The following QSER1 variants were observed in gnomAD, a reference collection of about 807,000 sequenced individuals.
QSER1 encodes the protein glutamine and serine rich 1, also known as glutamine and serine-rich protein 1.
Under a neutral mutation model 158.5 loss-of-function variants are expected in QSER1, and 49 were observed. The observed-to-expected ratio is 0.31, with a 90% CI of 0.25 to 0.39. The LOEUF (loss-of-function observed/expected upper bound fraction) is 0.39, where lower values mean the gene tolerates loss of function less well. QSER1 is among the 10% of genes least tolerant of loss of function. The pLI is 1.00. For synonymous variants in QSER1, 650 were observed against 715.5 expected (o/e 0.91, Z 1.46); for missense variants, 1,754 against 2,010.3 (o/e 0.87, Z 2.44).
In QSER1 at chr11:32,935,428, G is replaced by T. The variant is rs779688331; in HGVS notation, c.4170G>T (p.Lys1390Asn). The change falls in exon 4 of 13, where the codon AAG becomes AAT. Residue 1390 changes from lysine (K) to asparagine (N), a missense_variant. Lys to Asn is a moderately conservative substitution (Grantham distance 94, BLOSUM62 0). Transcript: ENST00000650167. Reference protein sequence around the residue: ...TTLDATSDKKKKTEALQVATT... With the variant: ...TTLDATSDKKNKTEALQVATT... The stretch of plus-strand genomic sequence containing the variant: ...TGGATGCTACTTCTGATAAAAAGAA[G>T]AAAACAGGTAAAGTTTTACAATTTA... The T allele has an allele frequency of 1.3e-6, 2 of 1,499,954 alleles. No individual in the cohort carries two copies. Among genetic ancestry groups the T allele is most frequent in the Non-Finnish European group, 1.8e-6 (2 of 1,131,466 alleles). 92.9% of individuals were successfully genotyped at this position (1,499,954 alleles called of 1,614,324 possible). A position where few individuals can be genotyped will look rare whatever the true frequency, so the allele number is the denominator to read the frequency against.
intron 8 of QSER1, among the ~76,000 whole-genome samples, chr11:32,962,684 C>T (rs138293265): frequency 3.7e-4 from 56 of 152,272 alleles, no homozygotes; most frequent in African/African-American, 1.3e-3. Context: ...AAAAATAGCA[C>T]TCATCAATTC....
Position 32,957,859 on chromosome 11 carries a change from A to G in QSER1, c.4752-10A>G. On this transcript the variant is annotated splice_polypyrimidine_tract_variant and intron_variant, in intron 7 of 12. Coordinates refer to ENST00000650167, the MANE Select transcript of QSER1 (RefSeq NM_001076786.3). ...CAGTGTGTTAATGAAGTTTGTTTAT[A>G]ACATTGCAGAACTGTTCAAGCTAAG... The G allele has an allele frequency of 6.2e-7, 1 of 1,603,160 alleles. No homozygotes were observed. Among genetic ancestry groups the G allele is most frequent in the South Asian group, 1.1e-5 (1 of 89,182 alleles).
At chr11:32,946,184 G>A (rs893892758) in intron 4 of QSER1, among the ~76,000 whole-genome samples, 9 of 151,516 alleles carry the variant, frequency 5.9e-5, no homozygotes, top group African/African-American at 1.4e-4. Flanking sequence ...TGGTTTGAAT[G>A]TCCTCCCGTA....
At chr11:32,898,484 A>ACT (rs1564923717) in intron 1 of QSER1, among the ~76,000 whole-genome samples, 1 of 4,584 alleles carries the variant, frequency 2.2e-4, no homozygotes, top group Non-Finnish European at 3.7e-4. Flanking sequence ...AGAACCTGTC[A>ACT]CACACACACA....
chr11:32,956,624 C>T (rs1556802), intron 7 of QSER1, among the ~76,000 whole-genome samples: 26,119 of 152,060 alleles, frequency 0.17, 3,118 homozygotes, highest in East Asian at 0.65. Flanking sequence ...TGACTTGACC[C>T]TGTGGTCTGC....
intron 4 of QSER1, among the ~76,000 whole-genome samples, chr11:32,938,634 C>T (rs2133558068): frequency 6.6e-6 from 1 of 152,282 alleles, no homozygotes; most frequent in South Asian, 2.1e-4. Context: ...TTGTGGACTG[C>T]TGTAGCCATT....
chr11:32,959,658 T>C (rs949074089), intron 8 of QSER1, among the ~76,000 whole-genome samples: 3 of 152,142 alleles, frequency 2.0e-5, no homozygotes, highest in African/African-American at 7.2e-5. Context: ...TTTCTGACAT[T>C]ACAAGTATCA....
At position 32,934,079 on chromosome 11, in the gene QSER1, A is replaced by G; in HGVS notation, c.2821A>G (p.Lys941Glu). 6.2e-7 allele frequency: 1 copy of G among 1,613,928 alleles called. No homozygotes were observed. Among genetic ancestry groups the G allele is most frequent in the Non-Finnish European group, 8.5e-7 (1 of 1,179,940 alleles). ...SKPLQQHLTT[K>E]GHFSETNQHD... ...ACCATTACAACAACATCTAACAACA[A>G]AGGGCCATTTTAGTGAAACAAATCA... Residue 941 changes from lysine (K) to glutamate (E), a missense_variant, in exon 4 of 13, where the codon AAG (lysine) becomes GAG (glutamate). By Grantham distance (56) the Lys-to-Glu change is moderately conservative (BLOSUM62 1). Coordinates refer to ENST00000650167, the MANE Select transcript of QSER1 (RefSeq NM_001076786.3).
chr11:32,971,450 T>C (rs1355309605), intron 10 of QSER1, among the ~76,000 whole-genome samples: 1 of 152,192 alleles, frequency 6.6e-6, no homozygotes, highest in Non-Finnish European at 1.5e-5. Flanking sequence ...TTTGTGGTCA[T>C]TGGAAAGATT....
rs775045658 is a variant in QSER1, at chr11:32,957,976, A to C, written c.4859A>C (p.Lys1620Thr). The C allele has an allele frequency of 9.3e-6, 15 of 1,614,148 alleles. No individual in the cohort carries two copies. In the South Asian group the frequency reaches 1.6e-4, roughly 18 times the overall value. ...PSVKPKVKQP[K>T]VKAEPPPKKR... ...GTGAAACCCAAAGTTAAACAGCCAAAAGTAAAGGCTGAGCCACCACCAAAG... is the reference window on the plus strand; with the variant it reads ...GTGAAACCCAAAGTTAAACAGCCAACAGTAAAGGCTGAGCCACCACCAAAG... The change falls in exon 8 of 13, where the codon AAA (lysine) becomes ACA (threonine). Residue 1620 changes from lysine to threonine, a missense_variant. Physicochemically the swap from Lys to Thr is moderately conservative, Grantham distance 78 (BLOSUM62 -1). This residue lies in a region of QSER1 where 1,707 missense variants were observed against 1,919.6 expected (regional missense o/e 0.89). Transcript: ENST00000650167.
rs184051871 is a variant in QSER1, at chr11:32,892,863, T to C, written c.-263T>C. Among the ~76,000 whole-genome samples, 77 of 29,262 alleles carry C rather than the reference T, an allele frequency of 2.6e-3. No individual in the cohort carries two copies. The highest frequency in any genetic ancestry group is 0.023 in the Middle Eastern group (1 of 44). The allele number at this position is 29,262 out of a possible 152,430, so 19.2% of individuals were successfully genotyped here. ...GCAGCGGCCGCCGCCGCCGCCGCCG[T>C]CGCCGCGAGTCCCGGCCGCGGGTGC... On this transcript the variant is annotated 5_prime_UTR_variant, in exon 1 of 13. Transcript: ENST00000650167.
intron 1 of QSER1, among the ~76,000 whole-genome samples, chr11:32,901,314 A>G (rs1462417696): frequency 6.6e-6 from 1 of 152,240 alleles, no homozygotes; most frequent in Non-Finnish European, 1.5e-5. Flanking sequence ...GCATTGTGCC[A>G]TTAAACATTC....
chr11:32,965,447 G>T (rs1852723310), intron 8 of QSER1, among the ~76,000 whole-genome samples: 1 of 152,108 alleles, frequency 6.6e-6, no homozygotes, highest in Admixed American at 6.5e-5. Context: ...TCCTAGGCAA[G>T]AATTTTATAG....
At chr11:32,931,602 A>C in intron 3 of QSER1, 141 bp from the exon 4 acceptor site, 3 of 618,452 alleles carry the variant, frequency 4.9e-6, no homozygotes, top group Non-Finnish European at 5.4e-6. Context: ...TAATTTTCAA[A>C]ATTTACATGC....
intron 10 of QSER1, among the ~76,000 whole-genome samples, chr11:32,969,758 C>T (rs926342195): frequency 2.7e-5 from 4 of 149,362 alleles, no homozygotes; most frequent in Non-Finnish European, 5.9e-5. Flanking sequence ...AACCTTGGCT[C>T]GCTGCAACCT....
At chr11:32,941,650 G>A (rs1455548359) in intron 4 of QSER1, among the ~76,000 whole-genome samples, 3 of 151,988 alleles carry the variant, frequency 2.0e-5, no homozygotes, top group African/African-American at 7.3e-5. Flanking sequence ...ATTTGGGTTG[G>A]TTCCAAGTCT....
chr11:32,972,782 C>T (rs1049312855), intron 10 of QSER1, among the ~76,000 whole-genome samples: 1 of 152,088 alleles, frequency 6.6e-6, no homozygotes, highest in African/African-American at 2.4e-5. Flanking sequence ...TGCCACATAA[C>T]CACTGTCAAA....
chr11:32,919,640 T>C (rs1851876368), intron 1 of QSER1, among the ~76,000 whole-genome samples: 1 of 152,190 alleles, frequency 6.6e-6, no homozygotes. Flanking sequence ...ACTCTTTTTT[T>C]CCTCCTTTCA....
rs1852130281 is a variant in QSER1 at position 32,935,187 on chromosome 11, C to T, written c.3929C>T (p.Thr1310Ile). The T allele has an allele frequency of 1.2e-6, 2 of 1,613,920 alleles. No individual in the cohort carries two copies. Among genetic ancestry groups the T allele is most frequent in the South Asian group, 1.1e-5 (1 of 91,084 alleles). Residue 1310 changes from threonine to isoleucine, a missense_variant, in exon 4 of 13, where the codon ACC (threonine) becomes ATC (isoleucine). Coordinates refer to ENST00000650167, the MANE Select transcript of QSER1 (RefSeq NM_001076786.3). ...CCTAACAGGACTAGACGGCCAGGGA[C>T]CCAGATGGTTCGTACATTTTGTCCC... ...RMPNRTRRPG[T>I]QMVRTFCPPP...
Sources: allele counts gnomAD v4.1 joint callset (sites outside exome capture counted in the v4.1 genomes callset), GRCh38; gene constraint gnomAD v4.1.1; regional missense constraint gnomAD v4.1.1; transcripts MANE v1.5; gene names NCBI Gene and HGNC (gene_info 2026-07-23, HGNC 2026-07-21).